ZRANB3: variants seen among roughly 807,000 people sequenced by gnomAD.
The protein encoded by ZRANB3 is zinc finger RANBP2-type containing 3, also known as DNA annealing helicase and endonuclease ZRANB3.
In ZRANB3, 125 loss-of-function variants were observed where a neutral mutation model predicts 133.8. That is an observed-to-expected ratio of 0.93 (90% CI 0.81 to 1.08). The LOEUF (loss-of-function observed/expected upper bound fraction) is 1.08. ZRANB3 is among the 50% of genes least tolerant of loss of function. The pLI, the probability that ZRANB3 is intolerant of heterozygous loss-of-function variation, is 0.00. For missense variants in ZRANB3, 1,229 were observed against 1,275.5 expected, an observed-to-expected ratio of 0.96 and a Z score of 0.56; for synonymous variants, 387 against 432.7, an observed-to-expected ratio of 0.89 and a Z score of 1.31.
intron 8 of ZRANB3, among the ~76,000 whole-genome samples, chr2:135,309,225 C>T (rs1359514618): frequency 6.6e-6 from 1 of 152,050 alleles, no homozygotes; most frequent in African/African-American, 2.4e-5. Context: ...TCGTGATCTG[C>T]CTGCCTCGGC....
chr2:135,432,520 C>T (rs114313662), intron 2 of ZRANB3, among the ~76,000 whole-genome samples: 73 of 152,152 alleles, frequency 4.8e-4, no homozygotes, highest in African/African-American at 1.7e-3. Context: ...ATAATAATAA[C>T]ACAAGATGAA....
rs1465021587 is a variant in ZRANB3, at chr2:135,504,476, T to C, written c.14A>G (p.His5Arg). Residue 5 changes from histidine to arginine, a missense_variant, in exon 2 of 21, where the codon CAT becomes CGT. Transcript: ENST00000264159. Reference sequence around the variant, plus strand: ...AGGTGTAAGAGACTTTTTTATGTTATGAACCCTAGGCATGATGATCCTAAA... The same window carrying C: ...AGGTGTAAGAGACTTTTTTATGTTACGAACCCTAGGCATGATGATCCTAAA... Reference protein sequence around the residue: MPRVHNIKKSLTPHI... With the variant: MPRVRNIKKSLTPHI... 1.2e-6 allele frequency: 2 copies of C among 1,612,286 alleles called. No homozygotes were observed. The highest frequency in any genetic ancestry group is 1.7e-6 in the Non-Finnish European group (2 of 1,179,394).
intron 13 of ZRANB3, 98 bp downstream of exon 13, chr2:135,230,415 T>A: frequency 8.8e-7 from 1 of 1,138,696 alleles, no homozygotes; most frequent in Non-Finnish European, 1.2e-6. Flanking sequence ...TTGTGCTGAG[T>A]CACACTAACC....
intron 13 of ZRANB3, among the ~76,000 whole-genome samples, chr2:135,229,029 A>G (rs1025009294): frequency 6.6e-6 from 1 of 152,246 alleles, no homozygotes; most frequent in Non-Finnish European, 1.5e-5. Context: ...TTTAATGTGA[A>G]CTAACATTAT....
chr2:135,337,909 G>C (rs915354479), intron 6 of ZRANB3, among the ~76,000 whole-genome samples: 2 of 152,090 alleles, frequency 1.3e-5, no homozygotes, highest in African/African-American at 4.8e-5. Flanking sequence ...TTTTGCTCAT[G>C]ATTTTTAAAG....
chr2:135,481,712 A>T (rs1241060298), intron 2 of ZRANB3, among the ~76,000 whole-genome samples: 3 of 150,600 alleles, frequency 2.0e-5, no homozygotes, highest in Non-Finnish European at 4.4e-5. Flanking sequence ...CTGAATGGTA[A>T]TGCCTAGGTT....
chr2:135,300,128 C>T (rs2104807544), intron 8 of ZRANB3, among the ~76,000 whole-genome samples: 1 of 152,256 alleles, frequency 6.6e-6, no homozygotes, highest in East Asian at 1.9e-4. Context: ...AAAGTATTCA[C>T]TTCCTCAGTT....
At chr2:135,343,380 T>C (rs1684783333) in intron 6 of ZRANB3, among the ~76,000 whole-genome samples, 1 of 149,974 alleles carries the variant, frequency 6.7e-6, no homozygotes, top group Non-Finnish European at 1.5e-5. Context: ...ATTAGGTTTT[T>C]AATGAGTTTC....
intron 2 of ZRANB3, among the ~76,000 whole-genome samples, chr2:135,436,604 A>C (rs1384134483): frequency 1.3e-5 from 2 of 152,204 alleles, no homozygotes; most frequent in Non-Finnish European, 2.9e-5. Context: ...CTGCTCAAAG[A>C]GATCAGAGAA....
At chr2:135,355,198 T>A in intron 3 of ZRANB3, 1 of 983,264 alleles carries the variant, frequency 1.0e-6, no homozygotes, top group Non-Finnish European at 1.2e-6. Context: ...AAAAGCAATC[T>A]TAGAATTCAT....
intron 6 of ZRANB3, among the ~76,000 whole-genome samples, chr2:135,338,881 A>C (rs766772994): frequency 6.6e-6 from 1 of 152,258 alleles, no homozygotes; most frequent in Non-Finnish European, 1.5e-5. Flanking sequence ...AATTACATAC[A>C]ATAGTATATA....
chr2:135,230,831 G>C lies in ZRANB3; in HGVS notation c.1636C>G (p.Arg546Gly). 6.2e-7 allele frequency: 1 copy of C among 1,612,702 alleles called. No homozygotes were observed. Among genetic ancestry groups the C allele is most frequent in the Non-Finnish European group, 8.5e-7 (1 of 1,179,526 alleles). Residue 546 changes from arginine (R) to glycine (G), a missense_variant, in exon 13 of 21, where the codon CGG becomes GGG. By Grantham distance (125) the Arg-to-Gly change is moderately radical. Transcript: ENST00000264159. ...MTSCDESKRFREENTVVSSDP... is the reference protein window; with the variant it reads ...MTSCDESKRFGEENTVVSSDP... ...GATGACACTACAGTATTTTCCTCCC[G>C]GAATCTCTTTGATTCGTCACAGGAG...
At chr2:135,368,390 C>A (rs201528547) in intron 3 of ZRANB3, among the ~76,000 whole-genome samples, 190 of 151,736 alleles carry the variant, frequency 1.3e-3, no homozygotes, top group African/African-American at 4.3e-3. Flanking sequence ...ATGTTAAGAC[C>A]AAATCTGGGC....
chr2:135,275,794 A>G, intron 8 of ZRANB3, 39 bp from the exon 9 acceptor site: 1 of 1,421,076 alleles, frequency 7.0e-7, no homozygotes, highest in Non-Finnish European at 9.3e-7. Context: ...TGTCATAAAA[A>G]TGATTATTTA....
At chr2:135,429,349 G>A (rs1025714980) in intron 2 of ZRANB3, among the ~76,000 whole-genome samples, 2 of 152,178 alleles carry the variant, frequency 1.3e-5, no homozygotes, top group Non-Finnish European at 2.9e-5. Context: ...ACAGATGAAC[G>A]CAAAGAAGAA....
At chr2:135,224,603 A>T in intron 14 of ZRANB3, 86 bp from the exon 15 acceptor site, 1 of 837,464 alleles carries the variant, frequency 1.2e-6, no homozygotes, top group Non-Finnish European at 1.8e-6. Flanking sequence ...GGTTAGAACG[A>T]TGAAATAGCT....
At chr2:135,296,998 C>G (rs989314119) in intron 8 of ZRANB3, among the ~76,000 whole-genome samples, 1 of 152,226 alleles carries the variant, frequency 6.6e-6, no homozygotes, top group Non-Finnish European at 1.5e-5. Flanking sequence ...CTGGGGGCTG[C>G]CTCCCAGTTA....
chr2:135,295,516 C>T (rs1165127192), intron 8 of ZRANB3, among the ~76,000 whole-genome samples: 1 of 152,142 alleles, frequency 6.6e-6, no homozygotes, highest in Non-Finnish European at 1.5e-5. Context: ...ACTAATGGGT[C>T]TTGACTCTTT....
intron 2 of ZRANB3, among the ~76,000 whole-genome samples, chr2:135,486,106 G>C (rs1692106178): frequency 6.6e-6 from 1 of 152,274 alleles, no homozygotes; most frequent in Admixed American, 6.5e-5. Context: ...GGGTGTGACG[G>C]CTGTGGCAAT....
Sources: allele counts gnomAD v4.1 joint callset (sites outside exome capture counted in the v4.1 genomes callset), GRCh38; gene constraint gnomAD v4.1.1; transcripts MANE v1.5; gene names NCBI Gene and HGNC (gene_info 2026-07-23, HGNC 2026-07-21).